PLCB1: variants seen among roughly 807,000 people sequenced by gnomAD.
The protein encoded by PLCB1 is phospholipase C beta 1, also known as 1-phosphatidylinositol 4,5-bisphosphate phosphodiesterase beta-1.
Under a neutral mutation model 161.8 loss-of-function variants are expected in PLCB1, and 46 were observed. The observed-to-expected ratio is 0.28, with a 90% CI of 0.22 to 0.36. PLCB1 has a LOEUF of 0.36. Ranked by LOEUF, PLCB1 falls within the 10% of genes least tolerant of loss-of-function variation. The pLI, the probability that PLCB1 is intolerant of heterozygous loss-of-function variation, is 1.00. For synonymous variants in PLCB1, 517 were observed against 503.7 expected (o/e 1.03, Z -0.35); for missense variants, 1,016 against 1,472.5 (o/e 0.69, Z 5.07).
intron 27 of PLCB1, among the ~76,000 whole-genome samples, chr20:8,779,333 G>A (rs1393328834): frequency 6.6e-6 from 1 of 151,752 alleles, no homozygotes; most frequent in African/African-American, 2.4e-5. Context: ...ATAATAAACA[G>A]TACTAAGAAA....
At chr20:8,517,374 C>T (rs1984174547) in intron 3 of PLCB1, among the ~76,000 whole-genome samples, 1 of 152,072 alleles carries the variant, frequency 6.6e-6, no homozygotes. Context: ...ATAAGGAAGG[C>T]ACAAGATTCA....
chr20:8,242,579 G>T (rs1030653857), intron 2 of PLCB1, among the ~76,000 whole-genome samples: 1 of 151,954 alleles, frequency 6.6e-6, no homozygotes, highest in African/African-American at 2.4e-5. Context: ...AAAGGGTGGA[G>T]AGGCTGAGCG....
At chr20:8,438,108 T>A (rs1026035789) in intron 3 of PLCB1, among the ~76,000 whole-genome samples, 56 of 152,198 alleles carry the variant, frequency 3.7e-4, no homozygotes, top group Admixed American at 3.7e-3. Context: ...CTTATATATT[T>A]GTAGATAATT....
intron 2 of PLCB1, among the ~76,000 whole-genome samples, chr20:8,272,212 C>T (rs984896621): frequency 1.3e-5 from 2 of 152,008 alleles, no homozygotes; most frequent in Non-Finnish European, 2.9e-5. Context: ...AATATGTTTA[C>T]TTGGAAAGAT....
chr20:8,446,660 A>G (rs111950315), intron 3 of PLCB1, among the ~76,000 whole-genome samples: 14 of 152,222 alleles, frequency 9.2e-5, no homozygotes, highest in African/African-American at 2.7e-4. Context: ...CGAAAACCCA[A>G]TCGTCTCAGA....
intron 31 of PLCB1, among the ~76,000 whole-genome samples, chr20:8,799,181 G>A (rs1026062933): frequency 6.6e-6 from 1 of 152,172 alleles, no homozygotes; most frequent in Non-Finnish European, 1.5e-5. Context: ...TCTTGAGGAT[G>A]AGAAAATGTG....
intron 3 of PLCB1, among the ~76,000 whole-genome samples, chr20:8,475,664 A>C (rs1243025240): frequency 6.6e-6 from 1 of 152,170 alleles, no homozygotes; most frequent in African/African-American, 2.4e-5. Context: ...TGGTGTATGT[A>C]AAGGATTTCA....
intron 24 of PLCB1, among the ~76,000 whole-genome samples, chr20:8,757,603 G>T (rs1157467342): frequency 6.6e-6 from 1 of 152,106 alleles, no homozygotes; most frequent in East Asian, 1.9e-4. Context: ...TCTGCCCTGT[G>T]CTGGACACAT....
At chr20:8,605,655 A>G (rs1987736746) in intron 3 of PLCB1, among the ~76,000 whole-genome samples, 1 of 143,932 alleles carries the variant, frequency 6.9e-6, no homozygotes, top group South Asian at 2.2e-4. Context: ...ATTCTTTTTT[A>G]AAAAATAGAT....
chr20:8,165,894 T>C (rs2051670188), intron 2 of PLCB1, among the ~76,000 whole-genome samples: 1 of 152,174 alleles, frequency 6.6e-6, no homozygotes, highest in East Asian at 1.9e-4. Context: ...CCAGACCTAA[T>C]AGCACACTTT....
intron 3 of PLCB1, among the ~76,000 whole-genome samples, chr20:8,590,981 CG>C (rs1568520500): frequency 6.6e-6 from 1 of 152,118 alleles, no homozygotes; most frequent in East Asian, 1.9e-4. Context: ...TCCCCCTCCC[CG>C]ACCTTCCAAC....
chr20:8,819,904 C>T (rs1201513594), intron 31 of PLCB1, among the ~76,000 whole-genome samples: 2 of 151,718 alleles, frequency 1.3e-5, no homozygotes, highest in African/African-American at 4.8e-5. Context: ...TAAACACTTC[C>T]TCAGATATGC....
intron 12 of PLCB1, among the ~76,000 whole-genome samples, chr20:8,714,296 G>A (rs1156705906): frequency 6.6e-6 from 1 of 152,106 alleles, no homozygotes; most frequent in African/African-American, 2.4e-5. Flanking sequence ...ATGATACTGA[G>A]TAGCATCTTT....
chr20:8,411,459 T>G (rs1054036448), intron 3 of PLCB1, among the ~76,000 whole-genome samples: 13 of 152,136 alleles, frequency 8.5e-5, no homozygotes, highest in African/African-American at 2.9e-4. Flanking sequence ...GTGGGAACAT[T>G]TAGAGGTCTG....
chr20:8,503,282 T>C (rs961477634), intron 3 of PLCB1, among the ~76,000 whole-genome samples: 1 of 152,224 alleles, frequency 6.6e-6, no homozygotes, highest in African/African-American at 2.4e-5. Context: ...CATTCAGATC[T>C]CTAAGGATAG....
At chr20:8,179,972 C>A (rs987316629) in intron 2 of PLCB1, among the ~76,000 whole-genome samples, 2 of 148,952 alleles carry the variant, frequency 1.3e-5, no homozygotes, top group Non-Finnish European at 3.0e-5. Context: ...CATTCTCCTG[C>A]CTCAGCCTCC....
At chr20:8,313,022 G>A (rs1283056994) in intron 2 of PLCB1, among the ~76,000 whole-genome samples, 2 of 152,122 alleles carry the variant, frequency 1.3e-5, no homozygotes, top group African/African-American at 4.8e-5. Context: ...AAATGTGAAA[G>A]GAAAGGAAAA....
At position 8,845,807 on chromosome 20, in the gene PLCB1, C is replaced by T. The variant is rs560271478; in HGVS notation, c.3424-35815C>T. Among the ~76,000 whole-genome samples, 3 of 152,236 alleles carry T rather than the reference C, an allele frequency of 2.0e-5. No individual in the cohort carries two copies. The East Asian group carries it at 5.8e-4, about 29-fold the overall frequency. On this transcript the variant is annotated intron_variant, in intron 31 of 31. Transcript: ENST00000338037. ...GGATTTGTTTAACACAATTAACCAA[C>T]ATAATATAATTCACATATTTAATGC...
Position 8,378,834 on chromosome 20 carries a change from T to G in PLCB1, c.246+7384T>G, listed in dbSNP as rs375719862. Among the ~76,000 whole-genome samples the G allele has an allele frequency of 3.1e-4, 47 of 152,380 alleles. No individual in the cohort carries two copies. In the East Asian group the frequency reaches 8.5e-3, roughly 27 times the overall value. On this transcript the variant is annotated intron_variant, in intron 3 of 31. Transcript: ENST00000338037. ...AGTTTATATAATATTCTAAATCTTT[T>G]GTTGTCGTTTCAACACTGTTCAGTG...
Sources: allele counts gnomAD v4.1 joint callset (sites outside exome capture counted in the v4.1 genomes callset), GRCh38; gene constraint gnomAD v4.1.1; transcripts MANE v1.5; gene names NCBI Gene and HGNC (gene_info 2026-07-23, HGNC 2026-07-21).